Variants in SLC44A5 observed in about 807,000 individuals in gnomAD.
SLC44A5 encodes solute carrier family 44 member 5, also known as choline transporter-like protein 5.
In SLC44A5, 57 loss-of-function variants were observed where a neutral mutation model predicts 101.8. The observed-to-expected ratio is 0.56, with a 90% CI of 0.45 to 0.70. The LOEUF is 0.70. Among genes scored for constraint, SLC44A5 ranks in the 30% least tolerant of loss-of-function variants. The pLI is 0.00. For missense variants in SLC44A5, 737 were observed against 853.1 expected (o/e 0.86, Z 1.70); for synonymous variants, 281 against 290.9 (o/e 0.97, Z 0.35).
chr1:75,204,144 C>G (rs904015064), intron 23 of SLC44A5, among the ~76,000 whole-genome samples: 2 of 151,950 alleles, frequency 1.3e-5, no homozygotes, highest in Non-Finnish European at 2.9e-5. Flanking sequence ...TTTCAATTTA[C>G]TTTCTAAATT....
intron 3 of SLC44A5, among the ~76,000 whole-genome samples, chr1:75,344,490 G>T (rs1382501374): frequency 6.6e-6 from 1 of 152,158 alleles, no homozygotes; most frequent in Non-Finnish European, 1.5e-5. Flanking sequence ...ACCATGAAAT[G>T]GTGAGATTAG....
chr1:75,636,295 A>G, the SLC44A5 span, among the ~76,000 whole-genome samples: 3 of 152,108 alleles, frequency 2.0e-5, no homozygotes. Context: ...TATATACAAG[A>G]AAAGCACTTA....
At chr1:75,656,918 G>A in the SLC44A5 span, among the ~76,000 whole-genome samples, 1 of 152,152 alleles carries the variant, frequency 6.6e-6, no homozygotes, top group Non-Finnish European at 1.5e-5. Context: ...GGAGGACAAG[G>A]CAGGCAGATC....
chr1:75,446,483 A>T (rs1338518754), intron 2 of SLC44A5, among the ~76,000 whole-genome samples: 1 of 152,202 alleles, frequency 6.6e-6, no homozygotes, highest in Non-Finnish European at 1.5e-5. Flanking sequence ...ATCCAAAAAA[A>T]ACCCTGTCTT....
At chr1:75,488,065 T>C (rs1209020738) in intron 2 of SLC44A5, among the ~76,000 whole-genome samples, 1 of 152,186 alleles carries the variant, frequency 6.6e-6, no homozygotes, top group Non-Finnish European at 1.5e-5. Context: ...TGATGATCTG[T>C]TGCTGTCTCC....
chr1:75,668,084 G>C, the SLC44A5 span, among the ~76,000 whole-genome samples: 7 of 152,054 alleles, frequency 4.6e-5, no homozygotes, highest in African/African-American at 1.7e-4. Flanking sequence ...TCCTCTAAGA[G>C]TGTCTATTGC....
chr1:75,257,921 GTCACC>G (rs1384199396), intron 6 of SLC44A5, among the ~76,000 whole-genome samples: 2 of 152,100 alleles, frequency 1.3e-5, no homozygotes, highest in Non-Finnish European at 2.9e-5. Flanking sequence ...AGGGTGGGTT[GTCACC>G]TCACCCAGGA....
chr1:75,695,826 A>T, the SLC44A5 span, among the ~76,000 whole-genome samples: 150 of 148,614 alleles, frequency 1.0e-3, no homozygotes, highest in African/African-American at 3.5e-3. Context: ...TATTATTTAT[A>T]TATAAATTAA....
chr1:75,247,265 A>G (rs1198670561), intron 7 of SLC44A5, among the ~76,000 whole-genome samples: 1 of 152,116 alleles, frequency 6.6e-6, no homozygotes, highest in Non-Finnish European at 1.5e-5. Flanking sequence ...TGAGAGAGAG[A>G]GAAATCAAGG....
At chr1:75,385,490 C>G (rs1013486500) in intron 3 of SLC44A5, among the ~76,000 whole-genome samples, 1 of 152,126 alleles carries the variant, frequency 6.6e-6, no homozygotes, top group Non-Finnish European at 1.5e-5. Context: ...CACATACACT[C>G]TCCCAAGACT....
rs766755521 is a variant in SLC44A5 at position 75,233,928 on chromosome 1, G to A, written c.853+58C>T. 7.6e-5 allele frequency: 94 copies of A among 1,242,136 alleles called. 1 individual carries two copies. Among genetic ancestry groups the A allele is most frequent in the Middle Eastern group, 1.9e-4 (1 of 5,238 alleles). 76.9% of individuals were successfully genotyped at this position (1,242,136 alleles called of 1,614,324 possible). The stretch of plus-strand genomic sequence containing the variant: ...ATGCTTTCTGGTAACTGATAACAGC[G>A]ATTGAAAATAAAAGGATTATTCTGA... On this transcript the variant is annotated intron_variant, in intron 12 of 23. Coordinates refer to ENST00000370859, the MANE Select transcript of SLC44A5 (RefSeq NM_001130058.2).
Position 75,211,579 on chromosome 1 carries a change from A to C in SLC44A5, c.1963-27T>G, listed in dbSNP as rs765394054. The C allele has an allele frequency of 4.7e-6, 7 of 1,491,388 alleles. No individual in the cohort carries two copies. The Admixed American group carries it at 1.0e-4, about 22-fold the overall frequency. 92.4% of individuals were successfully genotyped at this position (1,491,388 alleles called of 1,614,324 possible). On this transcript the variant is annotated intron_variant, in intron 22 of 23. Transcript: ENST00000370859. Reference sequence around the variant, plus strand: ...TGTAAATGGATGAAGAAGAGAACCAACATGTCATTTACTTTGACCAGAAGA... The same window carrying C: ...TGTAAATGGATGAAGAAGAGAACCACCATGTCATTTACTTTGACCAGAAGA...
intron 2 of SLC44A5, among the ~76,000 whole-genome samples, chr1:75,530,309 T>A (rs1670646898): frequency 6.6e-6 from 1 of 152,016 alleles, no homozygotes; most frequent in African/African-American, 2.4e-5. Flanking sequence ...CTACCAAAAA[T>A]AAAAACAAAG....
chr1:75,671,206 T>G, the SLC44A5 span, among the ~76,000 whole-genome samples: 4 of 152,120 alleles, frequency 2.6e-5, no homozygotes, highest in Non-Finnish European at 5.9e-5. Context: ...TCTTAGGGGA[T>G]GGGGCTTAAC....
At chr1:75,598,439 A>G (rs1243136480) in intron 1 of SLC44A5, among the ~76,000 whole-genome samples, 5 of 152,228 alleles carry the variant, frequency 3.3e-5, no homozygotes, top group African/African-American at 1.2e-4. Flanking sequence ...AACCCAAAGG[A>G]ATATAAATTG....
the SLC44A5 span, among the ~76,000 whole-genome samples, chr1:75,681,241 T>C: frequency 2.0e-5 from 3 of 152,154 alleles, no homozygotes; most frequent in Non-Finnish European, 4.4e-5. Context: ...GAGGTAATCC[T>C]CCCTAACTCA....
intron 2 of SLC44A5, among the ~76,000 whole-genome samples, chr1:75,446,124 A>T (rs1665562134): frequency 6.6e-6 from 1 of 152,278 alleles, no homozygotes; most frequent in East Asian, 1.9e-4. Context: ...TTCTACTCCC[A>T]GTCCTGGTTC....
chr1:75,511,538 T>TA (rs1174023984), intron 2 of SLC44A5, among the ~76,000 whole-genome samples: 1 of 152,190 alleles, frequency 6.6e-6, no homozygotes, highest in Non-Finnish European at 1.5e-5. Context: ...ATTTCTTATT[T>TA]AAAAAATATC....
At chr1:75,338,071 T>C (rs1657584209) in intron 4 of SLC44A5, among the ~76,000 whole-genome samples, 1 of 152,182 alleles carries the variant, frequency 6.6e-6, no homozygotes, top group Non-Finnish European at 1.5e-5. Context: ...AGGCCAACTA[T>C]GTCTTCCTGT....
Sources: gnomAD v4.1 joint callset for allele counts (sites outside exome capture counted in the v4.1 genomes callset) on GRCh38, gnomAD v4.1.1 for gene constraint, MANE v1.5 for transcripts, NCBI Gene and HGNC (gene_info 2026-07-23, HGNC 2026-07-21) for gene names.